ZNF71: variants seen among roughly 807,000 people sequenced by gnomAD.
ZNF71 encodes zinc finger protein 71.
Under a neutral mutation model 6.7 loss-of-function variants are expected in ZNF71, and 3 were observed. That is an observed-to-expected ratio of 0.45 (90% CI 0.20 to 1.16). The LOEUF (loss-of-function observed/expected upper bound fraction) is 1.16, where lower values mean the gene tolerates loss of function less well. Among genes scored for constraint, ZNF71 ranks in the 50% most tolerant of loss-of-function variants. ZNF71 has a pLI of 0.25. For synonymous variants in ZNF71, 343 were observed against 311.1 expected (o/e 1.10, Z -1.08); for missense variants, 688 against 728.6 (o/e 0.94, Z 0.64).
At chr19:56,617,320 A>T (rs2044803446) in intron 3 of ZNF71, among the ~76,000 whole-genome samples, 5 of 152,174 alleles carry the variant, frequency 3.3e-5, no homozygotes, top group Non-Finnish European at 5.9e-5. Context: ...CATGTTGGCC[A>T]GGCTGGTCTC....
chr19:56,622,743 C>T lies in ZNF71; in HGVS notation c.1636C>T (p.Arg546Trp), dbSNP rs766278120. 8 of 1,602,206 alleles carry T rather than the reference C, an allele frequency of 5.0e-6. No individual in the cohort carries two copies. In the East Asian group the frequency reaches 8.9e-5, roughly 18 times the overall value. ...SRNTNLTRHL[R>W]IHT ...CAACACGAACCTGACGCGCCACCTG[C>T]GGATTCACACCTGAGCGCCTCTGTG... Residue 546 changes from arginine to tryptophan, a missense_variant, in exon 4 of 4, where the codon CGG becomes TGG. Physicochemically the swap from Arg to Trp is moderately radical, Grantham distance 101. Coordinates refer to ENST00000599599, the MANE Select transcript of ZNF71 (RefSeq NM_001370215.1).
At chr19:56,611,500 C>T (rs2044751794) in intron 2 of ZNF71, among the ~76,000 whole-genome samples, 1 of 152,250 alleles carries the variant, frequency 6.6e-6, no homozygotes, top group African/African-American at 2.4e-5. Context: ...CAGAGCTTCA[C>T]AGGGAGTAGC....
chr19:56,608,079 C>T (rs1367494362), intron 2 of ZNF71, among the ~76,000 whole-genome samples: 1 of 141,880 alleles, frequency 7.0e-6, no homozygotes, highest in Non-Finnish European at 1.6e-5. Context: ...ATCTTTATAA[C>T]CTTTTTGTCT....
intron 2 of ZNF71, among the ~76,000 whole-genome samples, chr19:56,611,657 G>A (rs778890647): frequency 6.6e-6 from 1 of 152,192 alleles, no homozygotes; most frequent in Non-Finnish European, 1.5e-5. Context: ...CACCTGACTC[G>A]TAGGTCTGTT....
At chr19:56,597,032 T>A (rs1359145473) in intron 1 of ZNF71, among the ~76,000 whole-genome samples, 1 of 152,224 alleles carries the variant, frequency 6.6e-6, no homozygotes, top group Non-Finnish European at 1.5e-5. Context: ...GTACTTTGCC[T>A]TCATGGGCCC....
intron 1 of ZNF71, among the ~76,000 whole-genome samples, chr19:56,596,629 G>C (rs1486781566): frequency 6.6e-6 from 1 of 152,162 alleles, no homozygotes; most frequent in Non-Finnish European, 1.5e-5. Flanking sequence ...TTTGTTCAGG[G>C]AATGTGTATG....
rs147869247 is a variant in ZNF71 at position 56,621,800 on chromosome 19, G to T, written c.693G>T (p.Ser231=). The T allele has an allele frequency of 3.7e-6, 6 of 1,613,940 alleles. No homozygotes were observed. The highest frequency in any genetic ancestry group is 5.1e-6 in the Non-Finnish European group (6 of 1,179,974). ...DTCGKHFIER[S]SLTIHQRVHT... The stretch of plus-strand genomic sequence containing the variant: ...GTGGGAAGCACTTCATCGAGCGCTC[G>T]TCCCTCACCATCCACCAGCGGGTGC... Residue 231 remains serine (S), a synonymous_variant, in exon 4 of 4, where the codon TCG becomes TCT. Coordinates refer to ENST00000599599, the MANE Select transcript of ZNF71 (RefSeq NM_001370215.1).
chr19:56,617,941 C>T (rs1600596340), intron 3 of ZNF71, among the ~76,000 whole-genome samples: 1 of 151,746 alleles, frequency 6.6e-6, no homozygotes, highest in Admixed American at 6.6e-5. Context: ...GCTGCCAGCT[C>T]ATATTCCAGA....
intron 3 of ZNF71, among the ~76,000 whole-genome samples, chr19:56,617,118 TTTTG>T (rs1361929428): frequency 6.8e-6 from 1 of 147,990 alleles, no homozygotes; most frequent in South Asian, 2.2e-4. Flanking sequence ...TTTTGTTTTT[TTTTG>T]TTTTTTTTGA....
At position 56,598,499 on chromosome 19, in the gene ZNF71, C is replaced by T. The variant is rs957050692; in HGVS notation, c.-52-3008C>T. 1.3e-5 allele frequency among the ~76,000 whole-genome samples: 2 copies of T among 152,142 alleles called. No individual in the cohort carries two copies. The highest frequency in any genetic ancestry group is 4.8e-5 in the African/African-American group (2 of 41,422). ...TGATTACAGTTGGCCAGGTGTGGTG[C>T]CCGGGTACAGGCATTAAGTGGTAGG... On this transcript the variant is annotated intron_variant, in intron 1 of 3. Coordinates refer to ENST00000599599, the MANE Select transcript of ZNF71 (RefSeq NM_001370215.1). This position sits in a 1 kb window ranked among gnomAD's most constrained non-coding sequence, Gnocchi z 4.2.
At position 56,598,508 on chromosome 19, in the gene ZNF71, A is replaced by G. The variant is rs1315827375; in HGVS notation, c.-52-2999A>G. ...TTGGCCAGGTGTGGTGCCCGGGTAC[A>G]GGCATTAAGTGGTAGGAACCCCCAG... On this transcript the variant is annotated intron_variant, in intron 1 of 3. Coordinates refer to ENST00000599599, the MANE Select transcript of ZNF71 (RefSeq NM_001370215.1). The surrounding 1 kb of genome is among the most constrained non-coding windows in gnomAD (Gnocchi z 4.2). Among the ~76,000 whole-genome samples the G allele has an allele frequency of 6.6e-6, 1 of 152,188 alleles. No homozygotes were observed. The highest frequency in any genetic ancestry group is 6.5e-5 in the Admixed American group (1 of 15,284).
Position 56,623,974 on chromosome 19 carries a change from A to G in ZNF71, c.*1217A>G, listed in dbSNP as rs535083523. The G allele has an allele frequency of 6.0e-6, 1 of 167,236 alleles. No individual in the cohort carries two copies. Among genetic ancestry groups the G allele is most frequent in the Non-Finnish European group, 1.5e-5 (1 of 68,124 alleles). 10.4% of individuals were successfully genotyped at this position (167,236 alleles called of 1,614,324 possible). A position where few individuals can be genotyped will look rare whatever the true frequency, so the allele number is the denominator to read the frequency against. On this transcript the variant is annotated 3_prime_UTR_variant, in exon 4 of 4. Transcript: ENST00000599599. The stretch of plus-strand genomic sequence containing the variant: ...GAATACAGGGAAGCACCAACAGACC[A>G]TATCAGTAACTTCGAGTGAGTTTCC...
At position 56,623,027 on chromosome 19, in the gene ZNF71, G is replaced by C. The variant is rs1334032082; in HGVS notation, c.*270G>C. On this transcript the variant is annotated 3_prime_UTR_variant, in exon 4 of 4. Coordinates refer to ENST00000599599, the MANE Select transcript of ZNF71 (RefSeq NM_001370215.1). ...CATGGCCGCTGGTAACAGACATCAG[G>C]GTTCCAGACTAGCCCTCTTGAGTAA... is the stretch of plus-strand genomic sequence containing the variant. The C allele has an allele frequency of 9.4e-6, 5 of 529,314 alleles. 1 individual carries two copies. The highest frequency in any genetic ancestry group is 1.7e-5 in the Non-Finnish European group (5 of 291,616). 32.8% of individuals were successfully genotyped at this position (529,314 alleles called of 1,614,324 possible). A position where few individuals can be genotyped will look rare whatever the true frequency, so the allele number is the denominator to read the frequency against.
At chr19:56,602,025 G>T (rs2044674727) in intron 2 of ZNF71, among the ~76,000 whole-genome samples, 1 of 152,176 alleles carries the variant, frequency 6.6e-6, no homozygotes, top group East Asian at 1.9e-4. Context: ...TACCCCAAAA[G>T]ATAATCACTC....
In ZNF71 at chr19:56,598,430, G is replaced by A. The variant is rs1245753336; in HGVS notation, c.-53+3002G>A. ...ATTTCTAATGGTGGGGGAAGCCAAC[G>A]AAGAGTTTTGAAGAGTTTTAGCCCA... On this transcript the variant is annotated intron_variant, in intron 1 of 3. Coordinates refer to ENST00000599599, the MANE Select transcript of ZNF71 (RefSeq NM_001370215.1). The surrounding 1 kb of genome is among the most constrained non-coding windows in gnomAD (Gnocchi z 4.2). Among the ~76,000 whole-genome samples the A allele has an allele frequency of 1.3e-5, 2 of 152,164 alleles. No individual in the cohort carries two copies. Among genetic ancestry groups the A allele is most frequent in the Admixed American group, 6.5e-5 (1 of 15,280 alleles).
In ZNF71 at chr19:56,622,788, G is replaced by T. The variant is rs773038921; in HGVS notation, c.*31G>T. ...TCTGTGCAGGGCTCTCACTGGCGGT[G>T]CCCAGGACGGACGCCAGATGGCTGC... On this transcript the variant is annotated 3_prime_UTR_variant, in exon 4 of 4. Transcript: ENST00000599599. The T allele has an allele frequency of 6.4e-7, 1 of 1,559,204 alleles. No individual in the cohort carries two copies. Among genetic ancestry groups the T allele is most frequent in the South Asian group, 1.2e-5 (1 of 81,968 alleles).
rs2044852263 is a variant in ZNF71, at chr19:56,621,762, G to T, written c.655G>T (p.Glu219Ter). 6.2e-7 allele frequency: 1 copy of T among 1,614,076 alleles called. No individual in the cohort carries two copies. The highest frequency in any genetic ancestry group is 8.5e-7 in the Non-Finnish European group (1 of 1,180,044). Reference sequence around the variant, plus strand: ...GATCCACACGGGAGAAAAGCCGTTTGAGTGTGACACCTGTGGGAAGCACTT... The same window carrying T: ...GATCCACACGGGAGAAAAGCCGTTTTAGTGTGACACCTGTGGGAAGCACTT... The part of the protein sequence containing the change: ...QRIHTGEKPF[E>*]CDTCGKHFIE... Residue 219 changes from glutamate to a stop codon, truncating the protein, a stop_gained, in exon 4 of 4, where the codon GAG becomes TAG. Coordinates refer to ENST00000599599, the MANE Select transcript of ZNF71 (RefSeq NM_001370215.1). LOFTEE classifies it low-confidence loss of function (END_TRUNC).
rs201318196 is a variant in ZNF71 at position 56,621,335 on chromosome 19, C to T, written c.228C>T (p.Ser76=). Residue 76 remains serine (S), a synonymous_variant, in exon 4 of 4, where the codon TCC becomes TCT. Coordinates refer to ENST00000599599, the MANE Select transcript of ZNF71 (RefSeq NM_001370215.1). ...ATGACATTTCGGAAGACAAGCTCTC[C>T]GTTGTTGGGGAGGCCACGGGGGGAC... The part of the protein sequence containing the change: ...PKNDISEDKL[S]VVGEATGGPT... 2.3e-5 allele frequency: 35 copies of T among 1,539,866 alleles called. No homozygotes were observed. Among genetic ancestry groups the T allele is most frequent in the South Asian group, 1.0e-4 (8 of 78,544 alleles).
chr19:56,607,907 A>G (rs894798523), intron 2 of ZNF71, among the ~76,000 whole-genome samples: 15 of 152,106 alleles, frequency 9.9e-5, no homozygotes, highest in Admixed American at 2.6e-4. Flanking sequence ...AGCCTCACAC[A>G]GTGGTTGGTG....
Sources: gnomAD v4.1 joint callset for allele counts (sites outside exome capture counted in the v4.1 genomes callset) on GRCh38, gnomAD v4.1.1 for gene constraint, Gnocchi (gnomAD v3.1) non-coding constraint, MANE v1.5 for transcripts, NCBI Gene and HGNC (gene_info 2026-07-23, HGNC 2026-07-21) for gene names.